The following PDE3A variants were observed in gnomAD, a reference collection of about 807,000 sequenced individuals.
PDE3A encodes the protein cGMP-inhibited 3',5'-cyclic phosphodiesterase 3A.
PDE3A carries 43 observed loss-of-function variants against 98.3 expected under a neutral mutation model. The observed-to-expected ratio is 0.44, with a 90% CI of 0.34 to 0.56. PDE3A has a LOEUF of 0.56. Among genes scored for constraint, PDE3A ranks in the 20% least tolerant of loss-of-function variants. PDE3A has a pLI of 0.01. For missense variants in PDE3A, 1,427 were observed against 1,440.7 expected (o/e 0.99, Z 0.15); for synonymous variants, 663 against 567.9 (o/e 1.17, Z -2.38).
At position 20,392,266 on chromosome 12, in the gene PDE3A, G is replaced by A. The variant is rs1246551442; in HGVS notation, c.960+22022G>A. 2.0e-5 allele frequency among the ~76,000 whole-genome samples: 3 copies of A among 151,890 alleles called. No homozygotes were observed. The East Asian group carries it at 5.8e-4, about 29-fold the overall frequency. ...TTTCTGCTTTGTTAAATAACTTCTG[G>A]TGATTTATGTATAGCTAGAACAGTG... On this transcript the variant is annotated intron_variant, in intron 1 of 15. Coordinates refer to ENST00000359062, the MANE Select transcript of PDE3A (RefSeq NM_000921.5).
chr12:20,650,685 A>G (rs1471135188), intron 14 of PDE3A, 85 bp downstream of exon 14: 6 of 746,948 alleles, frequency 8.0e-6, no homozygotes, highest in Non-Finnish European at 1.3e-5. Context: ...CTATGAAAGT[A>G]TGATCACTCT....
chr12:20,512,704 T>G (rs1353437719), intron 1 of PDE3A, among the ~76,000 whole-genome samples: 2 of 152,158 alleles, frequency 1.3e-5, no homozygotes, highest in African/African-American at 4.8e-5. Flanking sequence ...AGCCTACATT[T>G]ACCATTATCA....
chr12:20,677,761 C>G (rs1162733820), intron 15 of PDE3A, among the ~76,000 whole-genome samples: 1 of 152,018 alleles, frequency 6.6e-6, no homozygotes, highest in East Asian at 1.9e-4. Context: ...TATCTTTTGT[C>G]AGGGAAACTT....
intron 1 of PDE3A, among the ~76,000 whole-genome samples, chr12:20,426,832 T>A (rs1361394692): frequency 6.6e-6 from 1 of 152,176 alleles, no homozygotes; most frequent in East Asian, 1.9e-4. Flanking sequence ...TCAGTTACAT[T>A]CACTAAAATA....
intron 1 of PDE3A, among the ~76,000 whole-genome samples, chr12:20,487,560 G>C (rs1002486890): frequency 7.3e-5 from 11 of 151,090 alleles, no homozygotes; most frequent in Admixed American, 6.6e-5. Context: ...GGCTGAGGTG[G>C]GGGAATTGCT....
rs34848615 is a variant in PDE3A, at chr12:20,448,752, G to GTTTTTTTTT, written c.960+78515_960+78523dup. On this transcript the variant is annotated intron_variant, in intron 1 of 15. Coordinates refer to ENST00000359062, the MANE Select transcript of PDE3A (RefSeq NM_000921.5). ...CATTATTTAAAGTTTTTATTTTAAG[G>GTTTTTTTTT]TTTTTTTTTTTTTTTGAGATGGAGT... Among the ~76,000 whole-genome samples the GTTTTTTTTT allele has an allele frequency of 1.0e-4, 14 of 138,554 alleles. No individual in the cohort carries two copies. The East Asian group carries it at 1.6e-3, about 15-fold the overall frequency. The allele number at this position is 138,554 out of a possible 152,430, so 90.9% of individuals were successfully genotyped here. A position where few individuals can be genotyped will look rare whatever the true frequency, so the allele number is the denominator to read the frequency against.
intron 1 of PDE3A, among the ~76,000 whole-genome samples, chr12:20,492,730 T>C (rs1235622264): frequency 2.6e-5 from 4 of 152,072 alleles, no homozygotes; most frequent in Non-Finnish European, 5.9e-5. Flanking sequence ...GGGGTGATTA[T>C]AAATACTCAC....
At chr12:20,441,047 C>G (rs938694744) in intron 1 of PDE3A, among the ~76,000 whole-genome samples, 2 of 152,096 alleles carry the variant, frequency 1.3e-5, no homozygotes, top group Admixed American at 1.3e-4. Context: ...AATTATTCAA[C>G]AGTGAAGCTC....
At chr12:20,431,312 TTTG>T (rs1259298133) in intron 1 of PDE3A, among the ~76,000 whole-genome samples, 5 of 152,176 alleles carry the variant, frequency 3.3e-5, no homozygotes, top group African/African-American at 1.2e-4. Context: ...TCAGATGATT[TTTG>T]TTGTTGTTCT....
chr12:20,409,976 G>A (rs1336055093), intron 1 of PDE3A, among the ~76,000 whole-genome samples: 2 of 152,110 alleles, frequency 1.3e-5, no homozygotes, highest in South Asian at 2.1e-4. Flanking sequence ...TATTGCTATA[G>A]GATACTTGCT....
intron 1 of PDE3A, among the ~76,000 whole-genome samples, chr12:20,405,549 G>C (rs180841786): frequency 3.3e-5 from 5 of 152,130 alleles, no homozygotes; most frequent in African/African-American, 7.2e-5. Context: ...TTCATTTCCT[G>C]ACCTCATCAT....
chr12:20,544,528 G>T, intron 1 of PDE3A, among the ~76,000 whole-genome samples: 1 of 151,846 alleles, frequency 6.6e-6, no homozygotes, highest in East Asian at 1.9e-4. Flanking sequence ...GTTCCTTGAA[G>T]ACAAATCAAA....
At chr12:20,502,009 A>G (rs562383649) in intron 1 of PDE3A, among the ~76,000 whole-genome samples, 2 of 152,170 alleles carry the variant, frequency 1.3e-5, no homozygotes, top group Non-Finnish European at 2.9e-5. Context: ...GGGAATACGG[A>G]TAATTGTTCA....
chr12:20,420,859 T>G (rs1441404873), intron 1 of PDE3A, among the ~76,000 whole-genome samples: 1 of 152,218 alleles, frequency 6.6e-6, no homozygotes, highest in Non-Finnish European at 1.5e-5. Flanking sequence ...AGGAAGAATG[T>G]CTTGTTCTTT....
intron 1 of PDE3A, among the ~76,000 whole-genome samples, chr12:20,518,827 C>T (rs1478068263): frequency 6.6e-6 from 1 of 152,106 alleles, no homozygotes; most frequent in Non-Finnish European, 1.5e-5. Flanking sequence ...ATAGGACTTT[C>T]TGTACTGATG....
intron 10 of PDE3A, among the ~76,000 whole-genome samples, chr12:20,640,576 C>G (rs1461388781): frequency 6.6e-6 from 1 of 151,964 alleles, no homozygotes; most frequent in Admixed American, 6.6e-5. Flanking sequence ...TGGAAAGACC[C>G]AAGGAAAACA....
chr12:20,668,811 C>T (rs1386155300), intron 15 of PDE3A, among the ~76,000 whole-genome samples: 7 of 151,778 alleles, frequency 4.6e-5, no homozygotes, highest in Non-Finnish European at 8.8e-5. Flanking sequence ...TCCAAAGGAA[C>T]GCAGTTCCTC....
chr12:20,391,141 AACTT>A (rs1333001294), intron 1 of PDE3A, among the ~76,000 whole-genome samples: 1 of 151,778 alleles, frequency 6.6e-6, no homozygotes, highest in African/African-American at 2.4e-5. Context: ...ACTAGTTAAA[AACTT>A]ACTTTATCAG....
intron 1 of PDE3A, among the ~76,000 whole-genome samples, chr12:20,414,545 C>T (rs181883067): frequency 8.5e-5 from 13 of 152,218 alleles, no homozygotes; most frequent in Admixed American, 5.2e-4. Flanking sequence ...TTATATATTG[C>T]GAAGGTGTCA....
Sources: gnomAD v4.1 joint callset for allele counts (sites outside exome capture counted in the v4.1 genomes callset) on GRCh38, gnomAD v4.1.1 for gene constraint, MANE v1.5 for transcripts, NCBI Gene and HGNC (gene_info 2026-07-23, HGNC 2026-07-21) for gene names.